Variants in TBCD observed in about 807,000 individuals in gnomAD.
TBCD encodes the protein tubulin folding cofactor D, also known as tubulin-specific chaperone D.
Under a neutral mutation model 169.3 loss-of-function variants are expected in TBCD, and 105 were observed. The observed-to-expected ratio is 0.62, with a 90% CI of 0.53 to 0.73. The LOEUF is 0.73. Among genes scored for constraint, TBCD ranks in the 30% least tolerant of loss-of-function variants. The pLI is 0.00. For synonymous variants in TBCD, 700 were observed against 643.9 expected (o/e 1.09, Z -1.32); for missense variants, 1,444 against 1,600.1 (o/e 0.90, Z 1.66).
At position 82,806,135 on chromosome 17, in the gene TBCD, G is replaced by C; in HGVS notation, c.1087+124G>C. 1.5e-6 allele frequency: 2 copies of C among 1,336,872 alleles called. No homozygotes were observed. 82.8% of individuals were successfully genotyped at this position (1,336,872 alleles called of 1,614,324 possible). On this transcript the variant is annotated intron_variant, in intron 10 of 38. Transcript: ENST00000355528. The surrounding 1 kb of genome is among the most constrained non-coding windows in gnomAD (Gnocchi z 5.1). ...CACTGTCTGGCCACCCGTCCCCTTC[G>C]CTGAGTGCACGGTCACTGCCCGTCC...
intron 29 of TBCD, 50 bp downstream of exon 29, chr17:82,927,373 C>G (rs1032833609): frequency 1.3e-6 from 2 of 1,581,798 alleles, no homozygotes; most frequent in South Asian, 1.1e-5. Context: ...CCCATCTATT[C>G]CGTGGAAACT....
intron 17 of TBCD, 36 bp from the exon 18 acceptor site, chr17:82,900,615 C>G: frequency 1.9e-6 from 3 of 1,572,330 alleles, no homozygotes; most frequent in Non-Finnish European, 2.6e-6. Context: ...TCTCGTTCTT[C>G]CGCGTCTCAC....
At chr17:82,937,631 G>A in intron 35 of TBCD, 1 of 601,172 alleles carries the variant, frequency 1.7e-6, no homozygotes, top group Non-Finnish European at 2.9e-6. Flanking sequence ...CCGGAAAGGA[G>A]CTGCGTGGTC....
At chr17:82,897,333 C>T (rs2059555648) in intron 17 of TBCD, among the ~76,000 whole-genome samples, 1 of 152,030 alleles carries the variant, frequency 6.6e-6, no homozygotes, top group Non-Finnish European at 1.5e-5. Flanking sequence ...TCCTGGCCAA[C>T]ATGGTGAAAC....
At position 82,799,721 on chromosome 17, in the gene TBCD, G is replaced by A. The variant is rs886634825; in HGVS notation, c.818-1143G>A. Among the ~76,000 whole-genome samples the A allele has an allele frequency of 2.6e-5, 4 of 152,178 alleles. 1 individual carries two copies. Among genetic ancestry groups the A allele is most frequent in the Admixed American group, 2.0e-4 (3 of 15,280 alleles). ...TTATGTCCTCACCACACCCGAGAAC[G>A]CGAGCAGCCGTTGCCAGGCCCTGTC... On this transcript the variant is annotated intron_variant, in intron 8 of 38. Coordinates refer to ENST00000355528, the MANE Select transcript of TBCD (RefSeq NM_005993.5).
Position 82,893,620 on chromosome 17 carries a change from T to G in TBCD, c.1637T>G (p.Phe546Cys). Residue 546 changes from phenylalanine to cysteine, a missense_variant, in exon 17 of 39, where the codon TTC (phenylalanine) becomes TGC (cysteine). Transcript: ENST00000355528. ...GCCGTCGGTAACAGATCCAACTGTT[T>G]CCTGGTTATAAGGTAAGTCTTTAAT... The part of the protein sequence containing the change: ...YFAVGNRSNC[F>C]LVISVFIAGF... The G allele has an allele frequency of 6.2e-7, 1 of 1,607,604 alleles. No individual in the cohort carries two copies. The highest frequency in any genetic ancestry group is 8.5e-7 in the Non-Finnish European group (1 of 1,176,406).
intron 15 of TBCD, among the ~76,000 whole-genome samples, chr17:82,885,741 GAAGTGAA>G (rs1440148152): frequency 2.0e-5 from 3 of 151,694 alleles, no homozygotes; most frequent in African/African-American, 7.3e-5. Flanking sequence ...CCCTGAATAT[GAAGTGAA>G]ATAATATAAA....
At chr17:82,878,415 A>G (rs2058114108) in intron 14 of TBCD, among the ~76,000 whole-genome samples, 2 of 152,194 alleles carry the variant, frequency 1.3e-5, no homozygotes, top group Admixed American at 6.5e-5. Flanking sequence ...CAAGCCTGGC[A>G]CTGCCAGCCT....
In TBCD at chr17:82,832,488, G is replaced by A; in HGVS notation, c.1318+17554G>A. 1 of 1,590,588 alleles carries A rather than the reference G, an allele frequency of 6.3e-7. No individual in the cohort carries two copies. On this transcript the variant is annotated intron_variant, in intron 13 of 38. Coordinates refer to ENST00000355528, the MANE Select transcript of TBCD (RefSeq NM_005993.5). The surrounding 1 kb of genome is among the most constrained non-coding windows in gnomAD (Gnocchi z 4.9). ...TTATGCCTTGGACTCTGGCTGTCCA[G>A]GTGGCGTGATCACTGTCGACGCCGC... is the stretch of plus-strand genomic sequence containing the variant.
chr17:82,806,627 C>T lies in TBCD; in HGVS notation c.1087+616C>T, dbSNP rs189612405. Among the ~76,000 whole-genome samples, 74 of 152,246 alleles carry T rather than the reference C, an allele frequency of 4.9e-4. No homozygotes were observed. The highest frequency in any genetic ancestry group is 1.5e-3 in the African/African-American group (62 of 41,546). ...CCCCTCCCTGTGAGGCCCCCATCCTCCCAGTATCTCCCAGCTTCCTGATGG... is the reference window on the plus strand; with the variant it reads ...CCCCTCCCTGTGAGGCCCCCATCCTTCCAGTATCTCCCAGCTTCCTGATGG... On this transcript the variant is annotated intron_variant, in intron 10 of 38. Transcript: ENST00000355528. The surrounding 1 kb of genome is among the most constrained non-coding windows in gnomAD (Gnocchi z 5.1).
In TBCD at chr17:82,906,005, G is replaced by A. The variant is rs1014416756; in HGVS notation, c.1874G>A (p.Cys625Tyr). Residue 625 changes from cysteine to tyrosine, a missense_variant, in exon 20 of 39, where the codon TGC becomes TAC. Cys to Tyr is a radical substitution (Grantham distance 194). Transcript: ENST00000355528. ...LHMRHGSILA[C>Y]AEVAYALYKL... is the part of the protein sequence containing the mutation. Reference sequence around the variant, plus strand: ...ATGAGGCATGGGTCGATTCTCGCCTGCGCAGAAGTTGCTTACGCCTTGTAC... The same window carrying A: ...ATGAGGCATGGGTCGATTCTCGCCTACGCAGAAGTTGCTTACGCCTTGTAC... 4 of 1,612,838 alleles carry A rather than the reference G, an allele frequency of 2.5e-6. No individual in the cohort carries two copies. The African/African-American group carries it at 5.3e-5, about 22-fold the overall frequency.
At chr17:82,940,966 A>T (rs1405735151) in intron 37 of TBCD, among the ~76,000 whole-genome samples, 2 of 152,246 alleles carry the variant, frequency 1.3e-5, no homozygotes, top group African/African-American at 4.8e-5. Flanking sequence ...GTTAAAAAAA[A>T]AAATCCTTAG....
chr17:82,845,018 G>T (rs1045378068), intron 13 of TBCD, among the ~76,000 whole-genome samples: 4 of 152,146 alleles, frequency 2.6e-5, no homozygotes, highest in African/African-American at 7.2e-5. Flanking sequence ...GGGTGGGGAA[G>T]GAGGGGTACC....
intron 13 of TBCD, among the ~76,000 whole-genome samples, chr17:82,863,082 G>A (rs150283883): frequency 1.5e-3 from 232 of 152,304 alleles, no homozygotes; most frequent in African/African-American, 5.1e-3. Flanking sequence ...GTGAAGATAT[G>A]AGGATGGGAT....
intron 9 of TBCD, among the ~76,000 whole-genome samples, chr17:82,803,973 G>A (rs1012048986): frequency 6.8e-6 from 1 of 147,338 alleles, no homozygotes; most frequent in African/African-American, 2.5e-5. Flanking sequence ...GGGCTGGGGT[G>A]TGCCTGCCTG....
chr17:82,875,517 C>T (rs761156030), intron 14 of TBCD, among the ~76,000 whole-genome samples: 12 of 152,256 alleles, frequency 7.9e-5, no homozygotes, highest in Non-Finnish European at 1.5e-4. Context: ...ACATCAGCTC[C>T]GCCCAGGCAG....
chr17:82,822,099 T>C (rs573843930), intron 13 of TBCD, among the ~76,000 whole-genome samples: 1 of 152,350 alleles, frequency 6.6e-6, no homozygotes, highest in East Asian at 1.9e-4. Context: ...ACCTGTGGAC[T>C]GTGTTTTCTG....
chr17:82,820,225 G>A (rs1376782582), intron 13 of TBCD, among the ~76,000 whole-genome samples: 1 of 152,146 alleles, frequency 6.6e-6, no homozygotes, highest in Non-Finnish European at 1.5e-5. Flanking sequence ...TGATCTGCCT[G>A]CCTTGGCTTC....
intron 13 of TBCD, among the ~76,000 whole-genome samples, chr17:82,823,977 GA>G (rs2052622137): frequency 6.6e-6 from 1 of 151,756 alleles, no homozygotes; most frequent in Non-Finnish European, 1.5e-5. Context: ...CTTTCTGCTT[GA>G]AAAAGGACTT....
Sources: gnomAD v4.1 joint callset for allele counts (sites outside exome capture counted in the v4.1 genomes callset) on GRCh38, gnomAD v4.1.1 for gene constraint, Gnocchi (gnomAD v3.1) non-coding constraint, MANE v1.5 for transcripts, NCBI Gene and HGNC (gene_info 2026-07-23, HGNC 2026-07-21) for gene names.